AGBL1: variants seen among roughly 807,000 people sequenced by gnomAD.
AGBL1 encodes cytosolic carboxypeptidase 4.
Under a neutral mutation model 118.9 loss-of-function variants are expected in AGBL1, and 130 were observed. That is an observed-to-expected ratio of 1.09 (90% CI 0.95 to 1.26). AGBL1 has a LOEUF of 1.26. Among genes scored for constraint, AGBL1 ranks in the 50% most tolerant of loss-of-function variants. The probability of loss-of-function intolerance (pLI) is 0.00; values close to 1 mark genes in which losing one functional copy is unlikely to be tolerated. For synonymous variants in AGBL1, 555 were observed against 478.9 expected (o/e 1.16, Z -2.08); for missense variants, 1,584 against 1,298.1 (o/e 1.22, Z -3.38).
Position 86,718,235 on chromosome 15 carries a change from G to T in AGBL1, c.3158+43799G>T, listed in dbSNP as rs575578980. On this transcript the variant is annotated intron_variant, in intron 22 of 22. Coordinates refer to ENST00000614907, the MANE Select transcript of AGBL1 (RefSeq NM_001386094.1). The stretch of plus-strand genomic sequence containing the variant: ...ATCCTGTGTTGAGTTCATGTCTTTT[G>T]TACAGACATGGATGAAGCTGGAAAC... Among the ~76,000 whole-genome samples the T allele has an allele frequency of 1.8e-4, 27 of 152,082 alleles. 1 individual carries two copies. In the South Asian group the frequency reaches 5.4e-3, roughly 30 times the overall value.
At chr15:86,171,423 A>G (rs1802142602) in intron 5 of AGBL1, among the ~76,000 whole-genome samples, 1 of 152,198 alleles carries the variant, frequency 6.6e-6, no homozygotes, top group African/African-American at 2.4e-5. Context: ...TAAATGGTAT[A>G]TTAACAATTA....
At chr15:86,310,432 C>A (rs1043066778) in intron 17 of AGBL1, among the ~76,000 whole-genome samples, 2 of 151,996 alleles carry the variant, frequency 1.3e-5, no homozygotes, top group Non-Finnish European at 2.9e-5. Flanking sequence ...AGGCAGGCTT[C>A]CTGTTGGAGT....
At chr15:86,499,306 C>G (rs1305273737) in intron 18 of AGBL1, among the ~76,000 whole-genome samples, 1 of 151,894 alleles carries the variant, frequency 6.6e-6, no homozygotes, top group African/African-American at 2.4e-5. Context: ...ATTGTCTAAT[C>G]TCTCCTCAAG....
At chr15:86,736,862 T>C (rs1467991478) in intron 22 of AGBL1, among the ~76,000 whole-genome samples, 1 of 152,192 alleles carries the variant, frequency 6.6e-6, no homozygotes, top group African/African-American at 2.4e-5. Context: ...TCTAAACTCC[T>C]AGGTCAAGAA....
intron 21 of AGBL1, among the ~76,000 whole-genome samples, chr15:86,564,450 A>G (rs1368615126): frequency 6.6e-6 from 1 of 152,176 alleles, no homozygotes; most frequent in African/African-American, 2.4e-5. Context: ...AGAATGTTGA[A>G]TGTTGGCCCC....
At chr15:86,441,247 CTTG>C (rs1417470493) in intron 18 of AGBL1, among the ~76,000 whole-genome samples, 4 of 152,260 alleles carry the variant, frequency 2.6e-5, no homozygotes, top group South Asian at 2.1e-4. Context: ...ATAATTATCA[CTTG>C]TTGTTGAAGA....
intron 18 of AGBL1, among the ~76,000 whole-genome samples, chr15:86,428,815 A>G (rs2081898292): frequency 6.6e-6 from 1 of 152,144 alleles, no homozygotes; most frequent in Non-Finnish European, 1.5e-5. Flanking sequence ...AATACATGAA[A>G]CCCTTTCTTG....
intron 22 of AGBL1, among the ~76,000 whole-genome samples, chr15:86,878,724 T>C (rs2079849403): frequency 6.6e-6 from 1 of 152,188 alleles, no homozygotes; most frequent in Non-Finnish European, 1.5e-5. Context: ...CTGCAATGCT[T>C]TATAGGCAGT....
intron 22 of AGBL1, among the ~76,000 whole-genome samples, chr15:86,732,305 G>A (rs1324567296): frequency 3.9e-5 from 6 of 152,140 alleles, no homozygotes; most frequent in African/African-American, 7.2e-5. Flanking sequence ...AGCGTTATAG[G>A]TTTTATTAGT....
In AGBL1 at chr15:86,544,154, C is replaced by G. The variant is rs377691136; in HGVS notation, c.2686-1848C>G. Among the ~76,000 whole-genome samples, 284 of 152,296 alleles carry G rather than the reference C, an allele frequency of 1.9e-3. 1 individual carries two copies. Among genetic ancestry groups the G allele is most frequent in the African/African-American group, 6.6e-3 (274 of 41,556 alleles). ...CAAAACTTAGTGGCTTAAACAAAAG[C>G]TATGCATTATGATTCCTCTGCTCTG... On this transcript the variant is annotated intron_variant, in intron 19 of 22. Transcript: ENST00000614907.
At chr15:86,332,226 A>G (rs1371658947) in intron 17 of AGBL1, among the ~76,000 whole-genome samples, 2 of 152,228 alleles carry the variant, frequency 1.3e-5, no homozygotes, top group African/African-American at 2.4e-5. Context: ...TAAATACTCA[A>G]CATTGGAACA....
At chr15:86,682,084 T>C (rs1389390538) in intron 22 of AGBL1, among the ~76,000 whole-genome samples, 1 of 152,218 alleles carries the variant, frequency 6.6e-6, no homozygotes, top group East Asian at 1.9e-4. Flanking sequence ...CTTAATTCTA[T>C]TCAGATTTTA....
chr15:87,003,547 G>T (rs1158266945), intron 24 of AGBL1, among the ~76,000 whole-genome samples: 1 of 152,062 alleles, frequency 6.6e-6, no homozygotes, highest in Non-Finnish European at 1.5e-5. Flanking sequence ...GTTTCAGAAG[G>T]AATGGTACCC....
intron 19 of AGBL1, among the ~76,000 whole-genome samples, chr15:86,534,078 A>G (rs1364437201): frequency 2.2e-5 from 3 of 135,354 alleles, no homozygotes; most frequent in Admixed American, 2.2e-4. Context: ...TAACCTGCAC[A>G]ATGTGCACAT....
At chr15:86,413,381 G>A (rs2081648123) in intron 18 of AGBL1, among the ~76,000 whole-genome samples, 1 of 152,120 alleles carries the variant, frequency 6.6e-6, no homozygotes, top group Admixed American at 6.6e-5. Flanking sequence ...GCAAAGATAA[G>A]TTATTCATTA....
intron 22 of AGBL1, among the ~76,000 whole-genome samples, chr15:86,774,764 G>C (rs111523594): frequency 0.024 from 3,725 of 152,162 alleles, 76 homozygotes; most frequent in Middle Eastern, 0.061. Flanking sequence ...AAGGCCAGGA[G>C]ACACAAGCAG....
At chr15:86,831,458 G>A (rs2079102434) in intron 22 of AGBL1, among the ~76,000 whole-genome samples, 1 of 152,192 alleles carries the variant, frequency 6.6e-6, no homozygotes, top group Non-Finnish European at 1.5e-5. Flanking sequence ...TACAATGTGT[G>A]TACAGGTATT....
intron 21 of AGBL1, among the ~76,000 whole-genome samples, chr15:86,634,848 G>A (rs1231613509): frequency 6.6e-6 from 1 of 152,048 alleles, no homozygotes; most frequent in Non-Finnish European, 1.5e-5. Flanking sequence ...TTTGCATTAT[G>A]TTGCCGCATT....
chr15:86,554,343 T>G lies in AGBL1; in HGVS notation c.2818-18T>G, dbSNP rs771790332. 7 of 1,544,330 alleles carry G rather than the reference T, an allele frequency of 4.5e-6. 1 individual carries two copies. The South Asian group carries it at 8.6e-5, about 19-fold the overall frequency. ...TCACCCACAACTAATCATCGTTTGA[T>G]TTTTGTTTTTACTGTAGACTCTTCC... On this transcript the variant is annotated intron_variant, in intron 20 of 22. Transcript: ENST00000614907.
Sources: gnomAD v4.1 joint callset for allele counts (sites outside exome capture counted in the v4.1 genomes callset) on GRCh38, gnomAD v4.1.1 for gene constraint, MANE v1.5 for transcripts, NCBI Gene and HGNC (gene_info 2026-07-23, HGNC 2026-07-21) for gene names.